The following SMURF2 variants were observed in gnomAD, a reference collection of about 807,000 sequenced individuals.
SMURF2 encodes the protein E3 ubiquitin-protein ligase SMURF2.
SMURF2 carries 48 observed loss-of-function variants against 109.6 expected under a neutral mutation model. The ratio of observed to expected loss-of-function variants is 0.44; its 90% CI spans 0.35 to 0.56. The LOEUF (loss-of-function observed/expected upper bound fraction) is 0.56, where lower values mean the gene tolerates loss of function less well. SMURF2 is among the 20% of genes least tolerant of loss of function. The pLI is 0.01. For missense variants in SMURF2, 575 were observed against 909.0 expected (o/e 0.63, Z 4.72); for synonymous variants, 288 against 317.1 (o/e 0.91, Z 0.97).
At chr17:64,607,700 G>A (rs1340167639) in intron 1 of SMURF2, among the ~76,000 whole-genome samples, 1 of 151,492 alleles carries the variant, frequency 6.6e-6, no homozygotes, top group Non-Finnish European at 1.5e-5. Flanking sequence ...GCTGGGCACA[G>A]TGGCTCATGT....
At chr17:64,578,313 G>A (rs953825959) in intron 9 of SMURF2, among the ~76,000 whole-genome samples, 179 bp downstream of exon 9, 2 of 152,080 alleles carry the variant, frequency 1.3e-5, no homozygotes, top group Non-Finnish European at 2.9e-5. Flanking sequence ...GAGAACTGAG[G>A]TGGGATTGCA....
At chr17:64,657,531 GA>G (rs534124509) in intron 1 of SMURF2, among the ~76,000 whole-genome samples, 314 of 134,634 alleles carry the variant, frequency 2.3e-3, no homozygotes, top group Middle Eastern at 3.8e-3. Flanking sequence ...ATCTGTACTG[GA>G]AAAAAAAAAA....
chr17:64,646,381 CT>C (rs201259541), intron 1 of SMURF2, among the ~76,000 whole-genome samples: 18,318 of 114,268 alleles, frequency 0.16, 1,652 homozygotes, highest in African/African-American at 0.31. Flanking sequence ...TTTTTTCTTT[CT>C]TTTTTTTTTT....
chr17:64,603,257 C>T (rs1226438716), intron 2 of SMURF2, among the ~76,000 whole-genome samples: 5 of 151,888 alleles, frequency 3.3e-5, no homozygotes, highest in Admixed American at 3.3e-4. Context: ...TAAATGAAAA[C>T]ATTCCTTTTC....
intron 10 of SMURF2, among the ~76,000 whole-genome samples, chr17:64,570,428 T>C (rs1969381072): frequency 6.6e-6 from 1 of 152,126 alleles, no homozygotes; most frequent in African/African-American, 2.4e-5. Context: ...TTGCCAGAAG[T>C]GTTGAAAAAG....
Position 64,634,642 on chromosome 17 carries a change from C to T in SMURF2, c.52+27187G>A, listed in dbSNP as rs1226893210. ...CCATTTCCCTGAAGTTTTTTTATACCACTTATTTACTGTCTCCTGTTCTTT... is the reference window on the plus strand; with the variant it reads ...CCATTTCCCTGAAGTTTTTTTATACTACTTATTTACTGTCTCCTGTTCTTT... On this transcript the variant is annotated intron_variant, in intron 1 of 18. Coordinates refer to ENST00000262435, the MANE Select transcript of SMURF2 (RefSeq NM_022739.4). Among the ~76,000 whole-genome samples the T allele has an allele frequency of 2.0e-5, 3 of 152,158 alleles. No homozygotes were observed. In the East Asian group the frequency reaches 5.8e-4, roughly 29 times the overall value.
intron 17 of SMURF2, 27 bp from the exon 18 acceptor site, chr17:64,546,365 A>G: frequency 6.2e-7 from 1 of 1,605,808 alleles, no homozygotes; most frequent in Non-Finnish European, 8.5e-7. Flanking sequence ...TGTGGATGAA[A>G]TCACTGCAGG....
intron 7 of SMURF2, 145 bp downstream of exon 7, chr17:64,583,316 A>G (rs530780871): frequency 7.7e-6 from 5 of 649,058 alleles, no homozygotes; most frequent in Non-Finnish European, 1.4e-5. Flanking sequence ...CTTTTAAAAA[A>G]TAACAATGGC....
At chr17:64,596,197 T>G (rs543553126) in intron 3 of SMURF2, among the ~76,000 whole-genome samples, 1 of 152,270 alleles carries the variant, frequency 6.6e-6, no homozygotes, top group African/African-American at 2.4e-5. Context: ...ATTATTATGC[T>G]TCATTTTAAG....
At chr17:64,606,022 C>T (rs1377427181) in intron 2 of SMURF2, among the ~76,000 whole-genome samples, 1 of 150,508 alleles carries the variant, frequency 6.6e-6, no homozygotes, top group East Asian at 1.9e-4. Context: ...ACTTCCCAAT[C>T]CCCTCTCATA....
rs1413337616 is a variant in SMURF2 at position 64,580,995 on chromosome 17, T to C, written c.570-4A>G. 1.9e-6 allele frequency: 3 copies of C among 1,613,992 alleles called. No homozygotes were observed. The highest frequency in any genetic ancestry group is 2.5e-6 in the Non-Finnish European group (3 of 1,179,886). On this transcript the variant is annotated splice_region_variant and splice_polypyrimidine_tract_variant and intron_variant, in intron 7 of 18. Transcript: ENST00000262435. ...GCTAGAATATTCGGATGCCGGTCTA[T>C]TGAAAATTAACAAGGAAAAGATGTT...
At chr17:64,566,633 G>T (rs1359232132) in intron 10 of SMURF2, among the ~76,000 whole-genome samples, 1 of 129,518 alleles carries the variant, frequency 7.7e-6, no homozygotes, top group Non-Finnish European at 1.6e-5. Context: ...GTGCAGTGGC[G>T]CAATCTCCGC....
At chr17:64,661,623 C>G (rs1231591594) in intron 1 of SMURF2, among the ~76,000 whole-genome samples, 1 of 152,150 alleles carries the variant, frequency 6.6e-6, no homozygotes, top group Non-Finnish European at 1.5e-5. Context: ...ACACCACCCC[C>G]CGCCCCGAGT....
At chr17:64,601,578 G>T (rs1305772921) in intron 2 of SMURF2, among the ~76,000 whole-genome samples, 1 of 152,094 alleles carries the variant, frequency 6.6e-6, no homozygotes, top group Admixed American at 6.6e-5. Context: ...AGTGAAAAGG[G>T]AACACTTTTA....
intron 10 of SMURF2, among the ~76,000 whole-genome samples, chr17:64,566,561 G>GTTTTGTTTTTTT (rs1969306410): frequency 2.3e-5 from 1 of 43,784 alleles, no homozygotes; most frequent in Non-Finnish European, 4.2e-5. Flanking sequence ...AAGCTTTCTG[G>GTTTTGTTTTTTT]TTTTTTTTTT....
chr17:64,546,969 TATTC>T lies in SMURF2; in HGVS notation c.2071+627_2071+630del, dbSNP rs369298261. On this transcript the variant is annotated intron_variant, in intron 17 of 18. Coordinates refer to ENST00000262435, the MANE Select transcript of SMURF2 (RefSeq NM_022739.4). ...GTACCAGTGTCGCTTTGTGTGTCCT[TATTC>T]ATCACCAGCAGCTTTGAAAATGAAG... is the stretch of plus-strand genomic sequence containing the variant. Among the ~76,000 whole-genome samples the T allele has an allele frequency of 1.8e-3, 270 of 152,364 alleles. 1 individual carries two copies. Among genetic ancestry groups the T allele is most frequent in the African/African-American group, 6.3e-3 (263 of 41,582 alleles).
chr17:64,635,184 G>T (rs1184651798), intron 1 of SMURF2, among the ~76,000 whole-genome samples: 1 of 151,922 alleles, frequency 6.6e-6, no homozygotes, highest in Admixed American at 6.6e-5. Flanking sequence ...AAAATTAGCT[G>T]GGCGTGGTGG....
chr17:64,550,757 C>CAAAAAA (rs146307567), intron 16 of SMURF2, among the ~76,000 whole-genome samples: 15 of 69,674 alleles, frequency 2.2e-4, no homozygotes, highest in Non-Finnish European at 3.9e-4. Flanking sequence ...ACTCTGTCTC[C>CAAAAAA]AAAAAAAAAA....
chr17:64,582,994 GT>G (rs1200707447), intron 7 of SMURF2, among the ~76,000 whole-genome samples: 2 of 151,794 alleles, frequency 1.3e-5, no homozygotes, highest in African/African-American at 4.8e-5. Flanking sequence ...CACCACCTAT[GT>G]TCAAGCAATC....
Sources: gnomAD v4.1 joint callset for allele counts (sites outside exome capture counted in the v4.1 genomes callset) on GRCh38, gnomAD v4.1.1 for gene constraint, MANE v1.5 for transcripts, NCBI Gene and HGNC (gene_info 2026-07-23, HGNC 2026-07-21) for gene names.